ZPLD1: variants seen among roughly 807,000 people sequenced by gnomAD.
The protein encoded by ZPLD1 is zona pellucida like domain containing 1.
A neutral mutation model predicts 47.2 loss-of-function variants in ZPLD1; 34 were observed. The observed-to-expected ratio is 0.72, with a 90% CI of 0.55 to 0.96. The LOEUF (loss-of-function observed/expected upper bound fraction) is 0.96. ZPLD1 is among the 40% of genes least tolerant of loss of function. The probability of loss-of-function intolerance (pLI) is 0.00; values close to 1 mark genes in which losing one functional copy is unlikely to be tolerated. For synonymous variants in ZPLD1, 176 were observed against 186.2 expected, an observed-to-expected ratio of 0.95 and a Z score of 0.45; for missense variants, 512 against 505.8, an observed-to-expected ratio of 1.01 and a Z score of -0.12.
intron 7 of ZPLD1, 36 bp from the exon 8 acceptor site, chr3:102,464,135 T>C: frequency 6.8e-7 from 1 of 1,474,040 alleles, no homozygotes; most frequent in Non-Finnish European, 9.5e-7. Context: ...AAAAGGAAAT[T>C]CTGACTCTAG....
chr3:102,411,090 G>T (rs1362833824), intron 7 of ZPLD1, among the ~76,000 whole-genome samples: 1 of 151,758 alleles, frequency 6.6e-6, no homozygotes, highest in Non-Finnish European at 1.5e-5. Context: ...ATCCCCAGCT[G>T]TGTTCATTGT....
chr3:102,427,518 T>C (rs2107311460), intron 8 of ZPLD1, among the ~76,000 whole-genome samples: 1 of 152,352 alleles, frequency 6.6e-6, no homozygotes, highest in African/African-American at 2.4e-5. Context: ...GCCTACATTC[T>C]GATAAAGGAG....
chr3:102,450,593 C>T (rs761081879), intron 3 of ZPLD1, among the ~76,000 whole-genome samples: 4 of 152,120 alleles, frequency 2.6e-5, no homozygotes, highest in Non-Finnish European at 5.9e-5. Context: ...AAGATTTGGT[C>T]TTTTGGCCTA....
intron 7 of ZPLD1, among the ~76,000 whole-genome samples, chr3:102,393,716 T>G (rs1320955755): frequency 2.6e-5 from 4 of 152,048 alleles, no homozygotes; most frequent in Non-Finnish European, 5.9e-5. Flanking sequence ...AAAAATTTTA[T>G]TAGAAATATC....
At chr3:102,466,326 T>A (rs925601999) in intron 8 of ZPLD1, among the ~76,000 whole-genome samples, 5 of 152,164 alleles carry the variant, frequency 3.3e-5, no homozygotes, top group Non-Finnish European at 1.5e-5. Flanking sequence ...GCCTTAGGGG[T>A]CCTAAAAATT....
intron 10 of ZPLD1, among the ~76,000 whole-genome samples, chr3:102,472,612 T>C (rs1276317928): frequency 6.6e-6 from 1 of 152,092 alleles, no homozygotes; most frequent in African/African-American, 2.4e-5. Context: ...AAATGGCTCA[T>C]AGAATTACAT....
chr3:102,391,398 T>C (rs1046067410), intron 6 of ZPLD1, among the ~76,000 whole-genome samples: 2 of 152,142 alleles, frequency 1.3e-5, no homozygotes, highest in Non-Finnish European at 2.9e-5. Flanking sequence ...GTTCCTGTTA[T>C]CAAGATGTGG....
intron 2 of ZPLD1, 127 bp downstream of exon 2, chr3:102,437,100 A>T (rs1056250827): frequency 1.9e-5 from 6 of 309,260 alleles, no homozygotes; most frequent in Non-Finnish European, 2.8e-5. Context: ...ATGATGGCGC[A>T]GGTATGGCCA....
At chr3:102,405,223 C>G (rs1033487357) in intron 7 of ZPLD1, among the ~76,000 whole-genome samples, 1 of 151,926 alleles carries the variant, frequency 6.6e-6, no homozygotes, top group Non-Finnish European at 1.5e-5. Context: ...GAGAGTTACA[C>G]ATTTGGTTCA....
intron 9 of ZPLD1, among the ~76,000 whole-genome samples, chr3:102,469,849 T>G (rs1277425802): frequency 6.6e-6 from 1 of 152,198 alleles, no homozygotes; most frequent in East Asian, 1.9e-4. Flanking sequence ...TAAAAAAAAT[T>G]CTATTCTGAC....
At chr3:102,391,112 C>T (rs545161164) in intron 6 of ZPLD1, among the ~76,000 whole-genome samples, 3 of 152,206 alleles carry the variant, frequency 2.0e-5, no homozygotes, top group Non-Finnish European at 2.9e-5. Context: ...CCCAAAGAGC[C>T]GACCTCCTGC....
At chr3:102,450,579 G>C (rs1707323161) in intron 3 of ZPLD1, among the ~76,000 whole-genome samples, 2 of 152,134 alleles carry the variant, frequency 1.3e-5, no homozygotes, top group African/African-American at 4.8e-5. Context: ...TGAGCACCTA[G>C]TTCAAGATTT....
chr3:102,391,160 C>T (rs560007026), intron 6 of ZPLD1, among the ~76,000 whole-genome samples: 1 of 152,298 alleles, frequency 6.6e-6, no homozygotes, highest in African/African-American at 2.4e-5. Context: ...ATTCTAGCTT[C>T]TAAACTTAAA....
At chr3:102,430,967 G>A (rs1411292616), upstream of ZPLD1, among the ~76,000 whole-genome samples, 1 of 152,142 alleles carries the variant, frequency 6.6e-6, no homozygotes, top group Non-Finnish European at 1.5e-5. Flanking sequence ...TATCTTCAAA[G>A]CTGCTTCAGA....
At chr3:102,416,864 G>T (rs1178992774) in intron 7 of ZPLD1, among the ~76,000 whole-genome samples, 2 of 151,914 alleles carry the variant, frequency 1.3e-5, no homozygotes, top group Admixed American at 6.6e-5. Context: ...GCCTGGATTT[G>T]TTTGGTGTAG....
At chr3:102,440,439 G>A (rs908518712) in intron 3 of ZPLD1, among the ~76,000 whole-genome samples, 1 of 152,092 alleles carries the variant, frequency 6.6e-6, no homozygotes, top group Admixed American at 6.6e-5. Flanking sequence ...TTTTTAACTG[G>A]AACAACTGGA....
Position 102,462,325 on chromosome 3 carries a change from A to T in ZPLD1, c.627A>T (p.Leu209Phe), listed in dbSNP as rs1707519240. ...AGTTAATTATCCCCAGTATAGGATT[A>T]CCTTTGAAAACCAAAGTATTTGCAG... ...NQQLIIPSIG[L>F]PLKTKVFAAV... The change falls in exon 7 of 12, where the codon TTA becomes TTT. Residue 209 changes from leucine to phenylalanine, a missense_variant. Physicochemically the swap from Leu to Phe is conservative, Grantham distance 22. Transcript: ENST00000466937. 1.9e-6 allele frequency: 3 copies of T among 1,611,730 alleles called. No homozygotes were observed. Among genetic ancestry groups the T allele is most frequent in the Non-Finnish European group, 2.5e-6 (3 of 1,178,904 alleles).
chr3:102,390,590 C>T (rs138859394), intron 6 of ZPLD1, among the ~76,000 whole-genome samples: 4 of 152,292 alleles, frequency 2.6e-5, no homozygotes, highest in African/African-American at 9.6e-5. Flanking sequence ...CTGTCAGTTC[C>T]TCTACAGAAC....
intron 7 of ZPLD1, chr3:102,417,923 A>T (rs560669692): frequency 1.3e-5 from 2 of 152,602 alleles, no homozygotes; most frequent in South Asian, 4.1e-4. Flanking sequence ...AACAAAGAGA[A>T]ATAGAAGGAA....
Sources: gnomAD v4.1 joint callset for allele counts (sites outside exome capture counted in the v4.1 genomes callset) on GRCh38, gnomAD v4.1.1 for gene constraint, MANE v1.5 for transcripts, NCBI Gene and HGNC (gene_info 2026-07-23, HGNC 2026-07-21) for gene names.